The following SLC35F1 variants were observed in gnomAD, a reference collection of about 807,000 sequenced individuals.
SLC35F1 encodes chromosome 6 open reading frame 169.
A neutral mutation model predicts 48.7 loss-of-function variants in SLC35F1; 14 were observed. The ratio of observed to expected loss-of-function variants is 0.29; its 90% CI spans 0.19 to 0.45. The LOEUF is 0.45. SLC35F1 is among the 20% of genes least tolerant of loss of function. SLC35F1 has a pLI of 1.00. For missense variants in SLC35F1, 404 were observed against 500.0 expected, an observed-to-expected ratio of 0.81 and a Z score of 1.83; for synonymous variants, 190 against 202.2, an observed-to-expected ratio of 0.94 and a Z score of 0.51.
Position 117,998,376 on chromosome 6 carries a change from A to G in SLC35F1, c.173+90477A>G, listed in dbSNP as rs571317779. On this transcript the variant is annotated intron_variant, in intron 1 of 7. Transcript: ENST00000360388. ...CATTAGACAGATCAACGAGACAGAA[A>G]GTTAACAAGGATACCCAGGAATTGA... Among the ~76,000 whole-genome samples, 10 of 151,944 alleles carry G rather than the reference A, an allele frequency of 6.6e-5. No homozygotes were observed. The South Asian group carries it at 2.1e-3, about 32-fold the overall frequency.
chr6:118,080,422 G>A (rs1461716878), intron 1 of SLC35F1, among the ~76,000 whole-genome samples: 8 of 152,108 alleles, frequency 5.3e-5, no homozygotes, highest in Non-Finnish European at 1.5e-5. Context: ...TGCATATGTA[G>A]GGTCTCTTTT....
At chr6:118,084,538 C>T (rs1772957005) in intron 1 of SLC35F1, among the ~76,000 whole-genome samples, 2 of 152,174 alleles carry the variant, frequency 1.3e-5, no homozygotes, top group Middle Eastern at 3.4e-3. Context: ...AAATGCTTTA[C>T]CTTCTAGTGG....
intron 7 of SLC35F1, among the ~76,000 whole-genome samples, chr6:118,303,497 G>A (rs1776277731): frequency 1.3e-5 from 2 of 152,178 alleles, no homozygotes; most frequent in South Asian, 4.1e-4. Flanking sequence ...TGAGACCTAG[G>A]TGTACTGCTA....
chr6:117,960,900 C>T (rs1776489181), intron 1 of SLC35F1, among the ~76,000 whole-genome samples: 1 of 152,156 alleles, frequency 6.6e-6, no homozygotes, highest in Non-Finnish European at 1.5e-5. Flanking sequence ...TGACTGGGCT[C>T]TTTCCACCTA....
chr6:118,260,081 A>T (rs1193298847), intron 3 of SLC35F1, among the ~76,000 whole-genome samples: 1 of 152,204 alleles, frequency 6.6e-6, no homozygotes, highest in African/African-American at 2.4e-5. Flanking sequence ...AACATGGATG[A>T]ACCATGAAAA....
intron 2 of SLC35F1, among the ~76,000 whole-genome samples, chr6:118,219,226 G>A (rs1430588742): frequency 6.6e-6 from 1 of 152,154 alleles, no homozygotes; most frequent in Non-Finnish European, 1.5e-5. Context: ...AAGTTCTATG[G>A]AATAGATCTA....
chr6:118,304,276 A>C (rs951898813), intron 7 of SLC35F1, among the ~76,000 whole-genome samples: 22 of 152,048 alleles, frequency 1.4e-4, no homozygotes, highest in Non-Finnish European at 2.4e-4. Context: ...GGACTGCTTG[A>C]GAACAAGAGT....
intron 2 of SLC35F1, among the ~76,000 whole-genome samples, chr6:118,189,715 A>G (rs772267430): frequency 2.0e-5 from 3 of 152,236 alleles, no homozygotes; most frequent in Non-Finnish European, 2.9e-5. Context: ...TAAGCAATAA[A>G]TGTTTCACAA....
In SLC35F1 at chr6:118,315,483, A is replaced by G. The variant is rs1023212295; in HGVS notation, c.*1231A>G. 4.1e-5 allele frequency: 5 copies of G among 122,448 alleles called. No individual in the cohort carries two copies. The highest frequency in any genetic ancestry group is 7.9e-5 in the Non-Finnish European group (5 of 63,486). The allele number at this position is 122,448 out of a possible 1,614,324, so 7.6% of individuals were successfully genotyped here. A position where few individuals can be genotyped will look rare whatever the true frequency, so the allele number is the denominator to read the frequency against. Reference sequence around the variant, plus strand: ...GAGACGGAGTCTCACTCTGTCGCCCAGGCTGGAGTGCGGTGGCACGATCTC... The same window carrying G: ...GAGACGGAGTCTCACTCTGTCGCCCGGGCTGGAGTGCGGTGGCACGATCTC... On this transcript the variant is annotated 3_prime_UTR_variant, in exon 8 of 8. Coordinates refer to ENST00000360388, the MANE Select transcript of SLC35F1 (RefSeq NM_001029858.4).
At chr6:117,998,936 G>A (rs994266021) in intron 1 of SLC35F1, 2 of 809,492 alleles carry the variant, frequency 2.5e-6, no homozygotes, top group African/African-American at 3.3e-5. Context: ...AGCTCTTCCG[G>A]TTCTAGGCAC....
At position 118,270,831 on chromosome 6, in the gene SLC35F1, G is replaced by A. The variant is rs372597409; in HGVS notation, c.637+3677G>A. Among the ~76,000 whole-genome samples, 4 of 152,092 alleles carry A rather than the reference G, an allele frequency of 2.6e-5. No individual in the cohort carries two copies. The South Asian group carries it at 8.3e-4, about 32-fold the overall frequency. ...TAAAGTTGAAAAGATTCAGCACCAGGACTTCTCTGCTTGCCTGGGAAAACT... is the reference window on the plus strand; with the variant it reads ...TAAAGTTGAAAAGATTCAGCACCAGAACTTCTCTGCTTGCCTGGGAAAACT... On this transcript the variant is annotated intron_variant, in intron 4 of 7. Coordinates refer to ENST00000360388, the MANE Select transcript of SLC35F1 (RefSeq NM_001029858.4).
chr6:117,936,491 T>C (rs960091237), intron 1 of SLC35F1, among the ~76,000 whole-genome samples: 3 of 152,230 alleles, frequency 2.0e-5, no homozygotes, highest in Non-Finnish European at 4.4e-5. Flanking sequence ...ATCTTTGCAA[T>C]TGAGTTCTCC....
At chr6:118,213,191 T>G (rs1775029775) in intron 2 of SLC35F1, among the ~76,000 whole-genome samples, 1 of 152,210 alleles carries the variant, frequency 6.6e-6, no homozygotes, top group South Asian at 2.1e-4. Flanking sequence ...CCCACTATAT[T>G]AATATCAAAG....
intron 1 of SLC35F1, among the ~76,000 whole-genome samples, chr6:117,961,523 C>T (rs1223430552): frequency 1.3e-5 from 2 of 152,142 alleles, no homozygotes; most frequent in Admixed American, 6.6e-5. Flanking sequence ...ATTTCCAGGA[C>T]CTCTCAATCC....
chr6:118,236,742 T>C (rs372014984), intron 3 of SLC35F1, among the ~76,000 whole-genome samples: 4 of 152,090 alleles, frequency 2.6e-5, no homozygotes, highest in Non-Finnish European at 5.9e-5. Context: ...TTGAAGAAAA[T>C]AGATAACTGA....
chr6:118,219,738 A>G (rs561310711), intron 2 of SLC35F1, among the ~76,000 whole-genome samples: 31 of 152,342 alleles, frequency 2.0e-4, no homozygotes, highest in African/African-American at 7.0e-4. Flanking sequence ...TTGCAGCAGT[A>G]TTCACAATAG....
chr6:118,293,099 T>G (rs1776144618), intron 7 of SLC35F1, among the ~76,000 whole-genome samples: 1 of 152,164 alleles, frequency 6.6e-6, no homozygotes, highest in South Asian at 2.1e-4. Context: ...CAGAGCTTGG[T>G]CTGAGGTCTA....
intron 1 of SLC35F1, among the ~76,000 whole-genome samples, chr6:117,958,411 A>G (rs1776454354): frequency 6.6e-6 from 1 of 152,208 alleles, no homozygotes; most frequent in South Asian, 2.1e-4. Context: ...ATGATATCCT[A>G]GACCTTCACA....
intron 7 of SLC35F1, among the ~76,000 whole-genome samples, chr6:118,305,343 T>G (rs553486977): frequency 6.6e-6 from 1 of 152,088 alleles, no homozygotes; most frequent in East Asian, 1.9e-4. Flanking sequence ...CAAAGTCTAC[T>G]GACTTAAATG....
Sources: gnomAD v4.1 joint callset for allele counts (sites outside exome capture counted in the v4.1 genomes callset) on GRCh38, gnomAD v4.1.1 for gene constraint, MANE v1.5 for transcripts, NCBI Gene and HGNC (gene_info 2026-07-23, HGNC 2026-07-21) for gene names.